The following EIF2S1 variants were observed in gnomAD, a reference collection of about 807,000 sequenced individuals.
EIF2S1 encodes the protein eukaryotic translation initiation factor 2 subunit 1.
In EIF2S1, 5 loss-of-function variants were observed where a neutral mutation model predicts 33.5. The observed-to-expected ratio is 0.15, with a 90% confidence interval of 0.08 to 0.31. The LOEUF is 0.31. Ranked by LOEUF, EIF2S1 falls within the 10% of genes least tolerant of loss-of-function variation. The probability of loss-of-function intolerance (pLI) is 1.00; values close to 1 mark genes in which losing one functional copy is unlikely to be tolerated. For missense variants in EIF2S1, 191 were observed against 384.6 expected (o/e 0.50, Z 4.21); for synonymous variants, 99 against 127.5 (o/e 0.78, Z 1.51).
intron 2 of EIF2S1, among the ~76,000 whole-genome samples, chr14:67,373,345 A>G (rs2085836693): frequency 6.6e-6 from 1 of 152,208 alleles, no homozygotes; most frequent in Non-Finnish European, 1.5e-5. Flanking sequence ...TTTTAATGAA[A>G]AAGAATGCTC....
chr14:67,377,309 T>C (rs1041440185), intron 4 of EIF2S1, among the ~76,000 whole-genome samples: 2 of 152,202 alleles, frequency 1.3e-5, no homozygotes, highest in African/African-American at 4.8e-5. Context: ...AAATCAGTCT[T>C]GCAGGTTGGT....
At chr14:67,381,791 CAA>C in intron 6 of EIF2S1, 101 bp downstream of exon 6, 1 of 823,066 alleles carries the variant, frequency 1.2e-6, no homozygotes, top group Non-Finnish European at 1.9e-6. Flanking sequence ...CATTTCATAA[CAA>C]AAGTGGGTTT....
At chr14:67,364,450 C>A in intron 1 of EIF2S1, 1 of 230,624 alleles carries the variant, frequency 4.3e-6, no homozygotes, top group Non-Finnish European at 8.6e-6. Flanking sequence ...TAGTATTTTA[C>A]TCTTGAGGTA....
At chr14:67,379,648 C>CTTTTACTTTTT (rs2085875340) in intron 4 of EIF2S1, among the ~76,000 whole-genome samples, 10 of 135,324 alleles carry the variant, frequency 7.4e-5, no homozygotes, top group African/African-American at 3.1e-4. Context: ...TTCTTTTTTT[C>CTTTTACTTTTT]TTTTTCTTTT....
chr14:67,373,498 A>T (rs900997652), intron 2 of EIF2S1, among the ~76,000 whole-genome samples: 3 of 152,224 alleles, frequency 2.0e-5, no homozygotes, highest in Non-Finnish European at 4.4e-5. Context: ...GGAATTTCCT[A>T]ATCTGATAAA....
chr14:67,364,964 G>A lies in EIF2S1; in HGVS notation c.197G>A (p.Gly66Asp). The A allele has an allele frequency of 6.2e-7, 1 of 1,613,870 alleles. No individual in the cohort carries two copies. Among genetic ancestry groups the A allele is most frequent in the Non-Finnish European group, 8.5e-7 (1 of 1,179,874 alleles). Residue 66 changes from glycine to aspartate, a missense_variant, in exon 2 of 8, where the codon GGC (glycine) becomes GAC (aspartate). Physicochemically the swap from Gly to Asp is moderately conservative, Grantham distance 94. Coordinates refer to ENST00000256383, the MANE Select transcript of EIF2S1 (RefSeq NM_004094.5). ...TCTATCAACAAACTCATCCGAATTG[G>A]CAGGAATGAGTGTGTGGTTGTCATT... Reference protein sequence around the residue: ...IRSINKLIRIGRNECVVVIRV... With the variant: ...IRSINKLIRIDRNECVVVIRV...
chr14:67,378,763 C>G (rs549830386), intron 4 of EIF2S1, among the ~76,000 whole-genome samples: 1 of 152,130 alleles, frequency 6.6e-6, no homozygotes, highest in African/African-American at 2.4e-5. Flanking sequence ...AGGGACTGTC[C>G]AGATTTAACT....
intron 4 of EIF2S1, 100 bp from the exon 5 acceptor site, chr14:67,380,559 A>T (rs1272570856): frequency 9.5e-6 from 5 of 527,198 alleles, no homozygotes; most frequent in African/African-American, 2.0e-5. Flanking sequence ...ATTAACTATT[A>T]TATGCTTAAC....
At chr14:67,381,561 T>C in intron 5 of EIF2S1, 32 bp from the exon 6 acceptor site, 2 of 1,577,624 alleles carry the variant, frequency 1.3e-6, no homozygotes, top group Non-Finnish European at 8.7e-7. Context: ...TTTTTGCATT[T>C]TTTATCAACT....
chr14:67,363,958 G>C (rs1452505535), intron 1 of EIF2S1: 1 of 152,180 alleles, frequency 6.6e-6, no homozygotes, highest in Non-Finnish European at 1.5e-5. Context: ...CAGGCTTGTG[G>C]ATCATAAAAG....
chr14:67,373,576 A>C (rs1284067108), intron 2 of EIF2S1, among the ~76,000 whole-genome samples: 1 of 152,144 alleles, frequency 6.6e-6, no homozygotes, highest in Admixed American at 6.5e-5. Context: ...CACTCTCACC[A>C]CTGTTACTCA....
rs976103209 is a variant in EIF2S1, at chr14:67,384,724, TAGC to T, written c.*1288_*1290del. 15 of 152,210 alleles carry T rather than the reference TAGC, an allele frequency of 9.9e-5. No individual in the cohort carries two copies. Among genetic ancestry groups the T allele is most frequent in the African/African-American group, 3.6e-4 (15 of 41,440 alleles). 9.4% of individuals were successfully genotyped at this position (152,210 alleles called of 1,614,324 possible). A position where few individuals can be genotyped will look rare whatever the true frequency, so the allele number is the denominator to read the frequency against. On this transcript the variant is annotated 3_prime_UTR_variant, in exon 8 of 8. Transcript: ENST00000256383. ...TGAAGGTTTGTTCCTTTGTTAAATT[TAGC>T]AGCCTGTACTAGCTTTTGAAATCCA...
chr14:67,384,242 AT>A lies in EIF2S1; in HGVS notation c.*808del, dbSNP rs1176484478. 1 of 152,066 alleles carries A rather than the reference AT, an allele frequency of 6.6e-6. No individual in the cohort carries two copies. Among genetic ancestry groups the A allele is most frequent in the Admixed American group, 6.5e-5 (1 of 15,276 alleles). The allele number at this position is 152,066 out of a possible 1,614,324, so 9.4% of individuals were successfully genotyped here. A position where few individuals can be genotyped will look rare whatever the true frequency, so the allele number is the denominator to read the frequency against. ...TTTTTAAATTTTAAAAAGCAGCTGC[AT>A]TTTTTATTTAGTTGGAATATCACCC... On this transcript the variant is annotated 3_prime_UTR_variant, in exon 8 of 8. Transcript: ENST00000256383.
At chr14:67,381,437 C>T (rs181529743) in intron 5 of EIF2S1, among the ~76,000 whole-genome samples, 156 bp from the exon 6 acceptor site, 140 of 152,298 alleles carry the variant, frequency 9.2e-4, no homozygotes, top group Non-Finnish European at 5.4e-4. Context: ...CACACTCCTC[C>T]TTGCCTCCCT....
intron 4 of EIF2S1, among the ~76,000 whole-genome samples, chr14:67,377,879 G>A (rs1350995417): frequency 6.6e-6 from 1 of 151,982 alleles, no homozygotes; most frequent in African/African-American, 2.4e-5. Context: ...AGGCTGAGGT[G>A]GGAGGATTGC....
Position 67,383,884 on chromosome 14 carries a change from A to T in EIF2S1, c.*444A>T, listed in dbSNP as rs1290921871. The T allele has an allele frequency of 4.6e-6, 1 of 217,322 alleles. No homozygotes were observed. Among genetic ancestry groups the T allele is most frequent in the East Asian group, 1.2e-4 (1 of 8,296 alleles). 13.5% of individuals were successfully genotyped at this position (217,322 alleles called of 1,614,324 possible). A position where few individuals can be genotyped will look rare whatever the true frequency, so the allele number is the denominator to read the frequency against. ...AACTATAGGCTTCTTCCTTCTTGTC[A>T]CCAGTTAAAAGCATTTTAATACTAA... On this transcript the variant is annotated 3_prime_UTR_variant, in exon 8 of 8. Coordinates refer to ENST00000256383, the MANE Select transcript of EIF2S1 (RefSeq NM_004094.5).
chr14:67,360,396 G>T lies in EIF2S1; in HGVS notation c.-62G>T, dbSNP rs1187821079. 2.5e-6 allele frequency: 1 copy of T among 395,456 alleles called. No homozygotes were observed. Among genetic ancestry groups the T allele is most frequent in the East Asian group, 3.6e-5 (1 of 27,956 alleles). 24.5% of individuals were successfully genotyped at this position (395,456 alleles called of 1,614,324 possible). A position where few individuals can be genotyped will look rare whatever the true frequency, so the allele number is the denominator to read the frequency against. ...GGCCGGTGAGGGGGAAGCAAGTCTGGTCTCTGTGATTGAAGAAGTCGGCTC... is the reference window on the plus strand; with the variant it reads ...GGCCGGTGAGGGGGAAGCAAGTCTGTTCTCTGTGATTGAAGAAGTCGGCTC... On this transcript the variant is annotated 5_prime_UTR_variant, in exon 1 of 8. Coordinates refer to ENST00000256383, the MANE Select transcript of EIF2S1 (RefSeq NM_004094.5).
intron 1 of EIF2S1, chr14:67,364,536 G>A: frequency 4.7e-6 from 2 of 421,828 alleles, no homozygotes. Flanking sequence ...ACTAAAGGCA[G>A]AGAATCACCC....
chr14:67,366,060 A>G (rs1166423240), intron 2 of EIF2S1, among the ~76,000 whole-genome samples: 1 of 151,916 alleles, frequency 6.6e-6, no homozygotes, highest in African/African-American at 2.4e-5. Context: ...AGTAGTACCT[A>G]AAGTAGTGTC....
Sources: gnomAD v4.1 joint callset for allele counts (sites outside exome capture counted in the v4.1 genomes callset) on GRCh38, gnomAD v4.1.1 for gene constraint, MANE v1.5 for transcripts, NCBI Gene and HGNC (gene_info 2026-07-23, HGNC 2026-07-21) for gene names.